Variants in COL6A1 observed in about 807,000 individuals in gnomAD.
COL6A1 encodes the protein collagen type VI alpha 1 chain, also known as collagen alpha-1(VI) chain.
A neutral mutation model predicts 145.6 loss-of-function variants in COL6A1; 80 were observed. The ratio of observed to expected loss-of-function variants is 0.55; its 90% confidence interval spans 0.46 to 0.66. COL6A1 has a LOEUF of 0.66. Ranked by LOEUF, COL6A1 falls within the 30% of genes least tolerant of loss-of-function variation. COL6A1 has a pLI of 0.00. For synonymous variants in COL6A1, 638 were observed against 622.8 expected, an observed-to-expected ratio of 1.02 and a Z score of -0.36; for missense variants, 1,364 against 1,473.8, an observed-to-expected ratio of 0.93 and a Z score of 1.22.
At position 45,989,100 on chromosome 21, in the gene COL6A1, C is replaced by G. The variant is rs201093313; in HGVS notation, c.821C>G (p.Pro274Arg). 2 of 1,611,388 alleles carry G rather than the reference C, an allele frequency of 1.2e-6. No homozygotes were observed. The highest frequency in any genetic ancestry group is 1.7e-6 in the Non-Finnish European group (2 of 1,179,000). Residue 274 changes from proline (P) to arginine (R), a missense_variant, in exon 9 of 35, where the codon CCG becomes CGG. Around this residue, in one of 3 missense-constraint regions of COL6A1, gnomAD observed 414 missense variants for 437.6 expected, o/e 0.95. Coordinates refer to ENST00000361866, the MANE Select transcript of COL6A1 (RefSeq NM_001848.3). ...DPGFEGERGK[P>R]GLPGEKGEAG... ...GTGTTCCAGGGAGAACGAGGCAAGC[C>G]GGGGCTCCCAGGAGAGAAGGGAGAA...
At position 45,990,835 on chromosome 21, in the gene COL6A1, C is replaced by T. The variant is rs1319942849; in HGVS notation, c.1056+9C>T. The T allele has an allele frequency of 4.3e-6, 7 of 1,613,288 alleles. No individual in the cohort carries two copies. The highest frequency in any genetic ancestry group is 1.7e-5 in the Admixed American group (1 of 60,032). ...GCTCGCCCGGGTTTGACGTAAGTCACTTCCTCTCACTGATACTTTAAAACT... is the reference window on the plus strand; with the variant it reads ...GCTCGCCCGGGTTTGACGTAAGTCATTTCCTCTCACTGATACTTTAAAACT... On this transcript the variant is annotated intron_variant, in intron 14 of 34. Coordinates refer to ENST00000361866, the MANE Select transcript of COL6A1 (RefSeq NM_001848.3).
At chr21:45,982,922 C>G (rs988529847) in intron 2 of COL6A1, among the ~76,000 whole-genome samples, 159 bp downstream of exon 2, 4 of 152,044 alleles carry the variant, frequency 2.6e-5, no homozygotes, top group Admixed American at 6.5e-5. Context: ...AGAGTGAGGC[C>G]GGGGCCCTTT....
chr21:45,982,556 G>C, intron 1 of COL6A1, 78 bp from the exon 2 acceptor site: 2 of 1,601,888 alleles, frequency 1.2e-6, no homozygotes. Flanking sequence ...GCGCTGGGCT[G>C]GCCGGGAGGG....
chr21:45,990,489 GAGTGGAC>G (rs2077769760), intron 13 of COL6A1, 67 bp downstream of exon 13: 8 of 1,081,472 alleles, frequency 7.4e-6, no homozygotes, highest in Admixed American at 3.5e-5. Flanking sequence ...GGGAGGGACG[GAGTGGAC>G]GGCGTGAAGG....
At chr21:45,990,885 G>A (rs2077772914) in intron 14 of COL6A1, 59 bp downstream of exon 14, 3 of 1,609,070 alleles carry the variant, frequency 1.9e-6, no homozygotes, top group Non-Finnish European at 2.6e-6. Context: ...CACCTCGTGT[G>A]GACCGTTTTG....
At chr21:45,999,810 A>G (rs1376010364) in intron 27 of COL6A1, 118 bp downstream of exon 27, 6 of 814,234 alleles carry the variant, frequency 7.4e-6, no homozygotes, top group Non-Finnish European at 3.7e-6. Flanking sequence ...TGGGTTGTGG[A>G]CAAAGAGCTG....
In COL6A1 at chr21:45,982,659, G is replaced by A. The variant is rs148867790; in HGVS notation, c.123G>A (p.Val41=). ...ACTGCCCCGTGGACCTGTTCTTTGT[G>A]CTGGACACCTCTGAGAGCGTGGCCC... is the stretch of plus-strand genomic sequence containing the variant. ...FQDCPVDLFF[V]LDTSESVALR... Residue 41 remains valine (V), a synonymous_variant, in exon 2 of 35, where the codon GTG becomes GTA. Transcript: ENST00000361866. The A allele has an allele frequency of 6.2e-7, 1 of 1,612,796 alleles. No homozygotes were observed. The highest frequency in any genetic ancestry group is 1.3e-5 in the African/African-American group (1 of 74,946).
Position 46,002,377 on chromosome 21 carries a change from C to T in COL6A1, c.2226C>T (p.Asn742=), listed in dbSNP as rs750039125. 27 of 1,596,822 alleles carry T rather than the reference C, an allele frequency of 1.7e-5. No homozygotes were observed. Among genetic ancestry groups the T allele is most frequent in the South Asian group, 1.7e-4 (15 of 89,358 alleles). Residue 742 remains asparagine (N), a synonymous_variant, in exon 32 of 35, where the codon AAC becomes AAT. Transcript: ENST00000361866. ...CTCAGAGGGACACCACACCGCTCAACGTGCTCTGCAGCCCCGGCATCCAGG... is the reference window on the plus strand; with the variant it reads ...CTCAGAGGGACACCACACCGCTCAATGTGCTCTGCAGCCCCGGCATCCAGG... ...SDTQRDTTPL[N]VLCSPGIQVV...
chr21:45,983,719 C>T (rs899905520), intron 2 of COL6A1, among the ~76,000 whole-genome samples: 10 of 152,238 alleles, frequency 6.6e-5, no homozygotes, highest in East Asian at 5.8e-4. Flanking sequence ...CAGCGTCCCC[C>T]GAGTCGCCCT....
chr21:45,990,837 T>C lies in COL6A1; in HGVS notation c.1056+11T>C. ...TCGCCCGGGTTTGACGTAAGTCACT[T>C]CCTCTCACTGATACTTTAAAACTAG... On this transcript the variant is annotated intron_variant, in intron 14 of 34. Transcript: ENST00000361866. 6.2e-7 allele frequency: 1 copy of C among 1,613,238 alleles called. No individual in the cohort carries two copies. Among genetic ancestry groups the C allele is most frequent in the South Asian group, 1.1e-5 (1 of 91,062 alleles).
chr21:46,005,045 C>T lies in COL6A1; in HGVS notation c.*1032C>T, dbSNP rs1228878369. The T allele has an allele frequency of 6.5e-6, 1 of 153,584 alleles. No homozygotes were observed. The highest frequency in any genetic ancestry group is 2.4e-5 in the African/African-American group (1 of 41,488). 9.5% of individuals were successfully genotyped at this position (153,584 alleles called of 1,614,324 possible). The stretch of plus-strand genomic sequence containing the variant: ...ACTTTTCCAAATAAAGGTTTTCACT[C>T]CTCTCCCTGTGGTTATCTTCCCCAC... On this transcript the variant is annotated 3_prime_UTR_variant, in exon 35 of 35. Coordinates refer to ENST00000361866, the MANE Select transcript of COL6A1 (RefSeq NM_001848.3).
rs759023976 is a variant in COL6A1, at chr21:45,984,327, G to A, written c.286G>A (p.Glu96Lys). 5.0e-6 allele frequency: 8 copies of A among 1,612,276 alleles called. No homozygotes were observed. The highest frequency in any genetic ancestry group is 2.2e-5 in the East Asian group (1 of 44,852). ...WNAGALHYSD[E>K]VEIIQGLTRM... ...CGCAGGCGCGCTGCACTACAGTGAC[G>A]AGGTGGAGATCATCCAAGGCCTCAC... The change falls in exon 3 of 35, where the codon GAG becomes AAG. Residue 96 changes from glutamate (E) to lysine (K), a missense_variant. This residue lies in a region of COL6A1 where 414 missense variants were observed against 437.6 expected (regional missense o/e 0.95). Coordinates refer to ENST00000361866, the MANE Select transcript of COL6A1 (RefSeq NM_001848.3).
In COL6A1 at chr21:45,992,326, C is replaced by T. The variant is rs377503199; in HGVS notation, c.1237-37C>T. 2.2e-4 allele frequency: 359 copies of T among 1,613,798 alleles called. 3 individuals carry two copies. The highest frequency in any genetic ancestry group is 8.3e-4 in the South Asian group (76 of 91,054). ...CCTGAGACCAAATGCAGTGTGTCCA[C>T]CAGACTAACGCCGGCGTCTGTTTCT... On this transcript the variant is annotated intron_variant, in intron 17 of 34. Coordinates refer to ENST00000361866, the MANE Select transcript of COL6A1 (RefSeq NM_001848.3).
chr21:45,990,900 C>T (rs967697665), intron 14 of COL6A1, 74 bp downstream of exon 14: 4 of 1,608,910 alleles, frequency 2.5e-6, no homozygotes, highest in African/African-American at 1.3e-5. Flanking sequence ...GTTTTGACTT[C>T]TGTCTGGGCG....
At position 45,987,641 on chromosome 21, in the gene COL6A1, AC is replaced by A; in HGVS notation, c.795del (p.Gly266AlafsTer35). The A allele has an allele frequency of 6.2e-7, 1 of 1,609,594 alleles. No individual in the cohort carries two copies. The highest frequency in any genetic ancestry group is 8.5e-7 in the Non-Finnish European group (1 of 1,178,742). The part of the protein sequence containing the change: ...PARGPPGLRG[D>X]PGFEGERGKP... ...AGAGGACCTCCGGGGCTCCGGGGCG[AC>A]CCCGGCTTTGAGGTGAGTGGTGACT... On this transcript the variant is annotated frameshift_variant, in exon 8 of 35. Coordinates refer to ENST00000361866, the MANE Select transcript of COL6A1 (RefSeq NM_001848.3). LOFTEE classifies it high-confidence loss of function.
At chr21:45,999,784 G>A (rs2077827814) in intron 27 of COL6A1, 92 bp downstream of exon 27, 4 of 994,656 alleles carry the variant, frequency 4.0e-6, no homozygotes, top group Non-Finnish European at 4.4e-6. Flanking sequence ...TCCTGTAGAC[G>A]CTGCTCACGG....
Position 46,002,206 on chromosome 21 carries a change from T to G in COL6A1, c.2067-12T>G. The G allele has an allele frequency of 6.3e-7, 1 of 1,595,714 alleles. No individual in the cohort carries two copies. The highest frequency in any genetic ancestry group is 1.3e-5 in the African/African-American group (1 of 74,862). On this transcript the variant is annotated splice_polypyrimidine_tract_variant and intron_variant, in intron 31 of 34. Coordinates refer to ENST00000361866, the MANE Select transcript of COL6A1 (RefSeq NM_001848.3). ...TGGCCCCAACCGGCCCTTCCTGCCC[T>G]TTGCTATGCAGAGCCATCAAGAGCC... is the stretch of plus-strand genomic sequence containing the variant.
chr21:45,982,076 C>T (rs2077710404), intron 1 of COL6A1, 129 bp downstream of exon 1: 3 of 798,800 alleles, frequency 3.8e-6, no homozygotes, highest in Non-Finnish European at 6.2e-6. Flanking sequence ...AACCCCACTC[C>T]CCGCTCGGGG....
intron 20 of COL6A1, among the ~76,000 whole-genome samples, chr21:45,997,152 GTCATCTGGGAGA>G: frequency 7.8e-6 from 1 of 128,848 alleles, no homozygotes; most frequent in African/African-American, 2.7e-5. Flanking sequence ...GCCCACCAAA[GTCATCTGGGAGA>G]GGCTTCACCC....
Sources: allele counts gnomAD v4.1 joint callset (sites outside exome capture counted in the v4.1 genomes callset), GRCh38; gene constraint gnomAD v4.1.1; regional missense constraint gnomAD v4.1.1; transcripts MANE v1.5; gene names NCBI Gene and HGNC (gene_info 2026-07-23, HGNC 2026-07-21).